The following MEGF8 variants were observed in gnomAD, a reference collection of about 807,000 sequenced individuals.
The protein encoded by MEGF8 is multiple epidermal growth factor-like domains protein 8.
A neutral mutation model predicts 302.9 loss-of-function variants in MEGF8; 156 were observed. The observed-to-expected ratio is 0.52, with a 90% CI of 0.45 to 0.59. The LOEUF (loss-of-function observed/expected upper bound fraction) is 0.59, where lower values mean the gene tolerates loss of function less well. MEGF8 is among the 20% of genes least tolerant of loss of function. The pLI is 0.00. For missense variants in MEGF8, 3,345 were observed against 3,964.5 expected (o/e 0.84, Z 4.20); for synonymous variants, 1,621 against 1,660.5 (o/e 0.98, Z 0.58).
Position 42,371,064 on chromosome 19 carries a change from G to GCCC in MEGF8, c.7136+235_7136+237dup, listed in dbSNP as rs113840732. On this transcript the variant is annotated intron_variant, in intron 40 of 41. Coordinates refer to ENST00000251268, the MANE Select transcript of MEGF8 (RefSeq NM_001271938.2). ...GTGCTGAAGTGCAGTCCACAGAGCG[G>GCCC]CCCCATCGAGAACAAGATGGGGCGG... Among the ~76,000 whole-genome samples, 7,604 of 152,058 alleles carry GCCC rather than the reference G, an allele frequency of 0.05. 291 individuals are homozygous for GCCC. The highest frequency in any genetic ancestry group is 0.16 in the South Asian group (767 of 4,812).
At position 42,371,543 on chromosome 19, in the gene MEGF8, G is replaced by A. The variant is rs147623149; in HGVS notation, c.7269+61G>A. On this transcript the variant is annotated intron_variant, in intron 41 of 41. Coordinates refer to ENST00000251268, the MANE Select transcript of MEGF8 (RefSeq NM_001271938.2). ...CTACACCTTGTGGAGGTCAGGGCTG[G>A]GATGAGGTAGCCAGGCTCGGGCAGG... 7.4e-4 allele frequency: 1,186 copies of A among 1,603,878 alleles called. 2 individuals are homozygous for A. Among genetic ancestry groups the A allele is most frequent in the Middle Eastern group, 1.7e-3 (10 of 5,842 alleles).
At chr19:42,331,975 C>T (rs1334806210) in intron 1 of MEGF8, among the ~76,000 whole-genome samples, 8 of 151,922 alleles carry the variant, frequency 5.3e-5, no homozygotes, top group Non-Finnish European at 1.2e-4. Context: ...TCTCCTGCCT[C>T]AGCCTCCTGA....
Position 42,357,353 on chromosome 19 carries a change from G to C in MEGF8, c.4831-51G>C. The C allele has an allele frequency of 5.1e-6, 8 of 1,581,384 alleles. No homozygotes were observed. The highest frequency in any genetic ancestry group is 5.2e-6 in the Non-Finnish European group (6 of 1,158,256). ...GCTGAGGCTCGCTTCTACCCACAAG[G>C]TGACCCCTGACCTCTAGCCCCATCG... On this transcript the variant is annotated intron_variant, in intron 27 of 41. Coordinates refer to ENST00000251268, the MANE Select transcript of MEGF8 (RefSeq NM_001271938.2). The surrounding 1 kb of genome is among the most constrained non-coding windows in gnomAD (Gnocchi z 5.2).
chr19:42,359,197 C>G lies in MEGF8; in HGVS notation c.5443C>G (p.Leu1815Val). 6.2e-7 allele frequency: 1 copy of G among 1,602,348 alleles called. No homozygotes were observed. Among genetic ancestry groups the G allele is most frequent in the Non-Finnish European group, 8.5e-7 (1 of 1,174,478 alleles). ...DPDEFSSDVL[L>V]YQVNCNAWLL... ...TGACGAGTTCAGCAGCGACGTTCTG[C>G]TCTACCAGGTCAACTGCAATGCCTG... The change falls in exon 31 of 42, where the codon CTC becomes GTC. Residue 1815 changes from leucine (L) to valine (V), a missense_variant. By Grantham distance (32) the Leu-to-Val change is conservative. Coordinates refer to ENST00000251268, the MANE Select transcript of MEGF8 (RefSeq NM_001271938.2).
chr19:42,327,210 G>A (rs2038996510), intron 1 of MEGF8, among the ~76,000 whole-genome samples: 1 of 152,192 alleles, frequency 6.6e-6, no homozygotes, highest in African/African-American at 2.4e-5. Flanking sequence ...TATTTGTGAA[G>A]TACTTCAATA....
chr19:42,364,028 C>G (rs369356292), intron 35 of MEGF8, among the ~76,000 whole-genome samples: 4 of 152,328 alleles, frequency 2.6e-5, no homozygotes, highest in Non-Finnish European at 4.4e-5. Context: ...ACATGTCCAG[C>G]CTTGGTGTAG....
In MEGF8 at chr19:42,369,157, A is replaced by G. The variant is rs988103338; in HGVS notation, c.6641+155A>G. Among the ~76,000 whole-genome samples, 1 of 152,192 alleles carries G rather than the reference A, an allele frequency of 6.6e-6. No homozygotes were observed. Among genetic ancestry groups the G allele is most frequent in the East Asian group, 1.9e-4 (1 of 5,192 alleles). Reference sequence around the variant, plus strand: ...TGATTCCTGAAGGTCAAGAGTGGTGAGGCTGAGCAGGGAAGAGTGAGTTTC... The same window carrying G: ...TGATTCCTGAAGGTCAAGAGTGGTGGGGCTGAGCAGGGAAGAGTGAGTTTC... On this transcript the variant is annotated intron_variant, in intron 37 of 41. Transcript: ENST00000251268. The surrounding 1 kb of genome is among the most constrained non-coding windows in gnomAD (Gnocchi z 5.7).
chr19:42,377,034 G>T lies in MEGF8; in HGVS notation c.*259G>T. On this transcript the variant is annotated 3_prime_UTR_variant, in exon 42 of 42. Transcript: ENST00000251268. ...GGTTCCCTGATCTCATGGGACTTAG[G>T]TTCTGGTGAAGGGAGACAATCAGTG... The T allele has an allele frequency of 2.3e-6, 1 of 428,886 alleles. No homozygotes were observed. Among genetic ancestry groups the T allele is most frequent in the Non-Finnish European group, 4.1e-6 (1 of 245,320 alleles). The allele number at this position is 428,886 out of a possible 1,614,324, so 26.6% of individuals were successfully genotyped here. A position where few individuals can be genotyped will look rare whatever the true frequency, so the allele number is the denominator to read the frequency against.
chr19:42,328,310 C>A (rs2039011721), intron 1 of MEGF8, among the ~76,000 whole-genome samples: 2 of 152,110 alleles, frequency 1.3e-5, no homozygotes, highest in African/African-American at 4.8e-5. Flanking sequence ...TGGGCAAAGG[C>A]CAGAGGTGTG....
intron 8 of MEGF8, among the ~76,000 whole-genome samples, chr19:42,343,216 G>A (rs570976930): frequency 5.3e-4 from 81 of 152,282 alleles, no homozygotes; most frequent in African/African-American, 1.9e-3. Flanking sequence ...GTTGATCCAC[G>A]ATTTGAACCC....
At chr19:42,348,164 AT>A in intron 12 of MEGF8, 107 bp from the exon 13 acceptor site, 1 of 1,066,038 alleles carries the variant, frequency 9.4e-7, no homozygotes, top group East Asian at 2.7e-5. Flanking sequence ...TCAGTCTCTC[AT>A]TTGGTAAAAT....
chr19:42,335,863 C>T (rs2039120280), intron 5 of MEGF8, 68 bp from the exon 6 acceptor site: 2 of 1,383,198 alleles, frequency 1.4e-6, no homozygotes. Flanking sequence ...CTCTGCATCT[C>T]TCTGTCTAAG....
chr19:42,370,609 G>A (rs1419548624), intron 39 of MEGF8, 92 bp from the exon 40 acceptor site: 36 of 1,436,350 alleles, frequency 2.5e-5, no homozygotes, highest in Non-Finnish European at 3.4e-5. Flanking sequence ...TGGGTCTGAG[G>A]GAGGAGTGGG....
At chr19:42,350,810 T>C (rs1243439637) in intron 15 of MEGF8, among the ~76,000 whole-genome samples, 1 of 152,078 alleles carries the variant, frequency 6.6e-6, no homozygotes, top group Non-Finnish European at 1.5e-5. Context: ...GAGTGAGGCT[T>C]CCTATTTCTC....
rs780016069 is a variant in MEGF8 at position 42,333,704 on chromosome 19, G to C, written c.287G>C (p.Gly96Ala). ...LFVYDGDSPR[G>A]PLLASLSGST... Reference sequence around the variant, plus strand: ...GTGTATGACGGTGACTCCCCGCGAGGGCCGCTGCTTGCCAGTCTAAGTGGG... The same window carrying C: ...GTGTATGACGGTGACTCCCCGCGAGCGCCGCTGCTTGCCAGTCTAAGTGGG... The change falls in exon 2 of 42, where the codon GGG becomes GCG. Residue 96 changes from glycine (G) to alanine (A), a missense_variant. Gly to Ala is a moderately conservative substitution (Grantham distance 60, BLOSUM62 0). Transcript: ENST00000251268. The C allele has an allele frequency of 6.2e-7, 1 of 1,614,002 alleles. No individual in the cohort carries two copies. Among genetic ancestry groups the C allele is most frequent in the Non-Finnish European group, 8.5e-7 (1 of 1,179,894 alleles).
chr19:42,374,158 G>C (rs1253241225), intron 41 of MEGF8, among the ~76,000 whole-genome samples: 1 of 152,132 alleles, frequency 6.6e-6, no homozygotes, highest in East Asian at 1.9e-4. Context: ...GTGGGGTACA[G>C]ACTTAAGAGG....
At position 42,351,876 on chromosome 19, in the gene MEGF8, C is replaced by T; in HGVS notation, c.3101+115C>T. On this transcript the variant is annotated intron_variant, in intron 18 of 41. Transcript: ENST00000251268. The surrounding 1 kb of genome is among the most constrained non-coding windows in gnomAD (Gnocchi z 5.6). ...TCTTGCCCATCCCATGGCCACCTTC[C>T]CTTTTCCGTACTGTTTTTCTGTTGT... 5 of 858,896 alleles carry T rather than the reference C, an allele frequency of 5.8e-6. No homozygotes were observed. The Admixed American group carries it at 1.2e-4, about 20-fold the overall frequency. The allele number at this position is 858,896 out of a possible 1,614,324, so 53.2% of individuals were successfully genotyped here.
intron 8 of MEGF8, among the ~76,000 whole-genome samples, chr19:42,338,763 G>C (rs2039168041): frequency 6.9e-6 from 1 of 145,762 alleles, no homozygotes; most frequent in Admixed American, 6.8e-5. Flanking sequence ...CTTTTTTATA[G>C]CCACATAGTA....
Position 42,368,659 on chromosome 19 carries a change from G to C in MEGF8, c.6478G>C (p.Asp2160His), listed in dbSNP as rs755365009. ...GGAGGGTGGACTCAGCGGCCCCCGT[G>C]ATGGTGAGAGGGCTTTGGGCACTGG... ...CMEGGLSGPR[D>H]GLTCGRPGAS... The change falls in exon 36 of 42, where the codon GAT becomes CAT. Residue 2160 changes from aspartate to histidine, a missense_variant. By Grantham distance (81) the Asp-to-His change is moderately conservative. Coordinates refer to ENST00000251268, the MANE Select transcript of MEGF8 (RefSeq NM_001271938.2). This position sits in a 1 kb window ranked among gnomAD's most constrained non-coding sequence, Gnocchi z 4.9. The C allele has an allele frequency of 8.9e-5, 138 of 1,544,740 alleles. 2 individuals carry two copies. The East Asian group carries it at 3.1e-3, about 35-fold the overall frequency.
Sources: gnomAD v4.1 joint callset for allele counts (sites outside exome capture counted in the v4.1 genomes callset) on GRCh38, gnomAD v4.1.1 for gene constraint, Gnocchi (gnomAD v3.1) non-coding constraint, MANE v1.5 for transcripts, NCBI Gene and HGNC (gene_info 2026-07-23, HGNC 2026-07-21) for gene names.